Variants in PKHD1 observed in about 807,000 individuals in gnomAD.
PKHD1 encodes PKHD1 ciliary IPT domain containing fibrocystin/polyductin, also known as fibrocystin.
Under a neutral mutation model 412.0 loss-of-function variants are expected in PKHD1, and 291 were observed. The observed-to-expected ratio is 0.71, with a 90% confidence interval of 0.64 to 0.78. The LOEUF is 0.78. PKHD1 is among the 30% of genes least tolerant of loss of function. The pLI is 0.00. For synonymous variants in PKHD1, 1,777 were observed against 1,821.5 expected, an observed-to-expected ratio of 0.98 and a Z score of 0.62; for missense variants, 4,825 against 4,950.7, an observed-to-expected ratio of 0.97 and a Z score of 0.76.
intron 37 of PKHD1, among the ~76,000 whole-genome samples, chr6:51,927,595 G>A (rs1469404842): frequency 6.6e-6 from 1 of 152,130 alleles, no homozygotes; most frequent in African/African-American, 2.4e-5. Context: ...ATTAAGCAAA[G>A]AAAGAGGGCT....
intron 60 of PKHD1, among the ~76,000 whole-genome samples, chr6:51,708,848 C>A (rs562434550): frequency 6.6e-6 from 1 of 151,552 alleles, no homozygotes; most frequent in South Asian, 2.1e-4. Flanking sequence ...AGCCCTCAGG[C>A]TAAGAATGGT....
intron 11 of PKHD1, among the ~76,000 whole-genome samples, chr6:52,068,899 C>T (rs1308470652): frequency 6.6e-6 from 1 of 152,204 alleles, no homozygotes; most frequent in Non-Finnish European, 1.5e-5. Flanking sequence ...ACCAACCCCA[C>T]AGACATTTCT....
intron 28 of PKHD1, among the ~76,000 whole-genome samples, chr6:52,033,940 C>G (rs2163187): frequency 0.4 from 60,509 of 151,742 alleles, 12,227 homozygotes; most frequent in Middle Eastern, 0.54. Context: ...ACCAACCTGA[C>G]CAACATGGAG....
chr6:51,800,799 T>C (rs1326570), intron 52 of PKHD1, among the ~76,000 whole-genome samples: 114,853 of 152,128 alleles, frequency 0.75, 43,628 homozygotes, highest in East Asian at 0.97. Context: ...ACAGTTTCTA[T>C]TACAACCCTG....
chr6:51,722,867 G>GA (rs969412797), intron 60 of PKHD1, among the ~76,000 whole-genome samples: 1 of 152,034 alleles, frequency 6.6e-6, no homozygotes, highest in Non-Finnish European at 1.5e-5. Flanking sequence ...GACGTCCCAT[G>GA]AAAAAAACAC....
intron 52 of PKHD1, among the ~76,000 whole-genome samples, chr6:51,825,668 C>T (rs978329316): frequency 1.3e-5 from 2 of 152,008 alleles, no homozygotes; most frequent in African/African-American, 4.8e-5. Context: ...ACCTCGGCCT[C>T]GCCTTTCCCC....
intron 60 of PKHD1, among the ~76,000 whole-genome samples, chr6:51,730,796 T>G (rs1783148599): frequency 6.6e-6 from 1 of 152,228 alleles, no homozygotes; most frequent in Non-Finnish European, 1.5e-5. Flanking sequence ...TTCCCTTCCA[T>G]TAAAATGTGC....
chr6:51,880,779 T>TAAAAAAAAAAAAAAAAAAA (rs71544105), intron 46 of PKHD1, among the ~76,000 whole-genome samples: 4 of 30,044 alleles, frequency 1.3e-4, no homozygotes, highest in African/African-American at 2.0e-4. Context: ...AAAAAAAAAT[T>TAAAAAAAAAAAAAAAAAAA]AAAAAAAAAA....
chr6:52,026,472 A>G (rs368669266), intron 31 of PKHD1, among the ~76,000 whole-genome samples: 2 of 152,198 alleles, frequency 1.3e-5, no homozygotes, highest in East Asian at 3.9e-4. Context: ...CACTTTAATC[A>G]ACTTACACAC....
chr6:52,028,221 G>C lies in PKHD1; in HGVS notation c.3495C>G (p.Pro1165=). 1 of 1,614,188 alleles carries C rather than the reference G, an allele frequency of 6.2e-7. No homozygotes were observed. The highest frequency in any genetic ancestry group is 2.2e-5 in the East Asian group (1 of 44,880). The change falls in exon 30 of 67, where the codon CCC becomes CCG. Residue 1165 remains proline, a synonymous_variant. Transcript: ENST00000371117. The part of the protein sequence containing the change: ...QSAWGLEVAL[P]PLPAGLHRIS... ...TTCTGTGGAGACCAGCTGGCAGTGG[G>C]GGCAGTGCCACCTCCAGGCCCCAAG... is the stretch of plus-strand genomic sequence containing the variant.
chr6:51,988,689 A>G (rs1288106661), intron 35 of PKHD1, among the ~76,000 whole-genome samples: 1 of 152,226 alleles, frequency 6.6e-6, no homozygotes, highest in Non-Finnish European at 1.5e-5. Context: ...TTACACCTGT[A>G]GATCCATTTA....
chr6:52,085,473 C>A (rs1019546415), intron 1 of PKHD1, among the ~76,000 whole-genome samples: 1 of 135,540 alleles, frequency 7.4e-6, no homozygotes, highest in African/African-American at 2.9e-5. Context: ...TCTGCCTTGG[C>A]CCCTGCTGGT....
intron 43 of PKHD1, among the ~76,000 whole-genome samples, chr6:51,897,396 T>G (rs1780269524): frequency 6.6e-6 from 1 of 152,140 alleles, no homozygotes. Context: ...ACCCAGAATT[T>G]CATATCCAGC....
At chr6:51,987,745 TTCTGAAA>T (rs1796389336) in intron 35 of PKHD1, among the ~76,000 whole-genome samples, 1 of 152,094 alleles carries the variant, frequency 6.6e-6, no homozygotes, top group Non-Finnish European at 1.5e-5. Flanking sequence ...TTTTTTTTTT[TTCTGAAA>T]CTGAAACTGT....
At chr6:51,641,659 T>C (rs1191150102) in intron 63 of PKHD1, among the ~76,000 whole-genome samples, 2 of 152,148 alleles carry the variant, frequency 1.3e-5, no homozygotes, top group Admixed American at 6.5e-5. Flanking sequence ...CCATCAATGA[T>C]AGACTGGATA....
chr6:51,854,443 T>C (rs1261452162), intron 49 of PKHD1, among the ~76,000 whole-genome samples: 1 of 152,226 alleles, frequency 6.6e-6, no homozygotes, highest in East Asian at 1.9e-4. Context: ...ACAAAGCACT[T>C]TGTCCCTTGG....
At chr6:51,895,353 T>A (rs569295164) in intron 43 of PKHD1, among the ~76,000 whole-genome samples, 1 of 152,210 alleles carries the variant, frequency 6.6e-6, no homozygotes, top group African/African-American at 2.4e-5. Flanking sequence ...AAAAAAAGAC[T>A]GAATAACAGA....
intron 61 of PKHD1, among the ~76,000 whole-genome samples, chr6:51,655,168 C>A (rs1392322062): frequency 1.3e-5 from 2 of 152,062 alleles, no homozygotes; most frequent in East Asian, 1.9e-4. Context: ...AAGAGACAAG[C>A]TGGCAATATA....
intron 66 of PKHD1, among the ~76,000 whole-genome samples, chr6:51,621,247 G>T (rs1766579759): frequency 6.6e-6 from 1 of 152,064 alleles, no homozygotes; most frequent in South Asian, 2.1e-4. Flanking sequence ...CCCTCATTAT[G>T]CCCAGTCCTC....
Sources: gnomAD v4.1 joint callset for allele counts (sites outside exome capture counted in the v4.1 genomes callset) on GRCh38, gnomAD v4.1.1 for gene constraint, MANE v1.5 for transcripts, NCBI Gene and HGNC (gene_info 2026-07-23, HGNC 2026-07-21) for gene names.